The following CALN1 variants were observed in gnomAD, a reference collection of about 807,000 sequenced individuals.
CALN1 encodes the protein calcium-binding protein 8.
A neutral mutation model predicts 30.6 loss-of-function variants in CALN1; 17 were observed. That is an observed-to-expected ratio of 0.56 (90% CI 0.38 to 0.83). The LOEUF is 0.83. Among genes scored for constraint, CALN1 ranks in the 40% least tolerant of loss-of-function variants. CALN1 has a pLI of 0.00. For synonymous variants in CALN1, 156 were observed against 131.4 expected (o/e 1.19, Z -1.28); for missense variants, 291 against 354.9 (o/e 0.82, Z 1.45).
chr7:71,844,119 A>G (rs112941203), intron 5 of CALN1, among the ~76,000 whole-genome samples: 96 of 152,288 alleles, frequency 6.3e-4, no homozygotes, highest in African/African-American at 2.2e-3. Flanking sequence ...CTTTCTCCAT[A>G]GAGCAGGCTA....
chr7:72,145,318 T>C (rs534892833), intron 3 of CALN1, among the ~76,000 whole-genome samples: 185 of 152,196 alleles, frequency 1.2e-3, no homozygotes, highest in African/African-American at 4.0e-3. Context: ...AAATACAAAC[T>C]ACCATCAGAG....
At chr7:72,285,157 AC>A (rs1269072618) in intron 2 of CALN1, among the ~76,000 whole-genome samples, 3 of 152,122 alleles carry the variant, frequency 2.0e-5, no homozygotes, top group Non-Finnish European at 4.4e-5. Flanking sequence ...CATTGCCCCA[AC>A]TTCTAAGCAC....
chr7:72,157,373 G>A (rs1787772896), intron 3 of CALN1, among the ~76,000 whole-genome samples: 1 of 152,226 alleles, frequency 6.6e-6, no homozygotes, highest in East Asian at 1.9e-4. Flanking sequence ...CACTTTAAGA[G>A]GCCAAGACAG....
At chr7:72,026,599 A>G (rs1021809524) in intron 4 of CALN1, among the ~76,000 whole-genome samples, 18 of 151,466 alleles carry the variant, frequency 1.2e-4, no homozygotes, top group South Asian at 8.3e-4. Flanking sequence ...AAAAAAAAAT[A>G]GAGAGGGGGT....
Position 71,979,206 on chromosome 7 carries a change from A to G in CALN1, c.501+44451T>C, listed in dbSNP as rs536278767. ...CCAGGGACTGGTTTCATGGAAGACA[A>G]TTTTTCCTAGGACTGGGGAGAGGGG... On this transcript the variant is annotated intron_variant, in intron 5 of 6. Coordinates refer to ENST00000395275, the MANE Select transcript of CALN1 (RefSeq NM_031468.4). 1.1e-4 allele frequency among the ~76,000 whole-genome samples: 16 copies of G among 152,160 alleles called. No individual in the cohort carries two copies. In the South Asian group the frequency reaches 3.3e-3, roughly 32 times the overall value.
rs371971538 is a variant in CALN1, at chr7:72,246,402, G to A, written c.244+32284C>T. On this transcript the variant is annotated intron_variant, in intron 3 of 6. Transcript: ENST00000395275. ...GGGCTCTGCGGTCTAAGGGACACAC[G>A]GTGGCTTGGTGATGTCCCTTGGAGA... 6.6e-5 allele frequency among the ~76,000 whole-genome samples: 10 copies of A among 152,206 alleles called. No homozygotes were observed. The East Asian group carries it at 1.2e-3, about 18-fold the overall frequency.
intron 5 of CALN1, among the ~76,000 whole-genome samples, chr7:71,944,412 T>C (rs910022295): frequency 6.6e-6 from 1 of 151,994 alleles, no homozygotes; most frequent in African/African-American, 2.4e-5. Context: ...CTGGTCAACA[T>C]GGTGAAACCC....
chr7:71,862,278 G>A (rs1791332883), intron 5 of CALN1, among the ~76,000 whole-genome samples: 1 of 152,178 alleles, frequency 6.6e-6, no homozygotes, highest in African/African-American at 2.4e-5. Flanking sequence ...ATGCTGATAC[G>A]ATTTGGCTGT....
intron 2 of CALN1, among the ~76,000 whole-genome samples, chr7:72,360,494 TG>T (rs1275675680): frequency 2.0e-5 from 3 of 151,672 alleles, no homozygotes; most frequent in African/African-American, 7.3e-5. Flanking sequence ...TACAAAAAAA[TG>T]GGTTTCATAA....
At chr7:72,381,075 C>G (rs1263521558) in intron 2 of CALN1, among the ~76,000 whole-genome samples, 1 of 152,108 alleles carries the variant, frequency 6.6e-6, no homozygotes, top group Non-Finnish European at 1.5e-5. Flanking sequence ...AAAAATAAAC[C>G]AAAGTTTTGA....
chr7:72,353,184 A>G (rs2129559401), intron 2 of CALN1, among the ~76,000 whole-genome samples: 1 of 152,304 alleles, frequency 6.6e-6, no homozygotes. Flanking sequence ...AAGCGCTAAT[A>G]CCAATCTCAT....
chr7:72,292,017 A>G (rs1798515084), intron 2 of CALN1, among the ~76,000 whole-genome samples: 1 of 151,854 alleles, frequency 6.6e-6, no homozygotes, highest in Non-Finnish European at 1.5e-5. Context: ...AAAAAAAAAG[A>G]ATTTCAACAT....
intron 4 of CALN1, among the ~76,000 whole-genome samples, chr7:72,042,162 T>G (rs537729846): frequency 6.6e-6 from 1 of 152,052 alleles, no homozygotes; most frequent in African/African-American, 2.4e-5. Flanking sequence ...TTGGAGAAAT[T>G]AAGGTTAAAT....
At chr7:72,141,491 G>T (rs529119900) in intron 3 of CALN1, among the ~76,000 whole-genome samples, 5 of 152,008 alleles carry the variant, frequency 3.3e-5, no homozygotes, top group African/African-American at 1.2e-4. Context: ...CCGACCCTTC[G>T]GCTAGGCCTA....
intron 2 of CALN1, among the ~76,000 whole-genome samples, chr7:72,338,470 A>AGTGTGTGTGTGTGTGTGTGTGTGTGTGT (rs56695086): frequency 1.6e-4 from 12 of 74,800 alleles, no homozygotes; most frequent in Admixed American, 3.2e-4. Context: ...CCAGCAGCAC[A>AGTGTGTGTGTGTGTGTGTGTGTGTGTGT]GTGTGTGTGT....
At chr7:71,871,664 G>A (rs1417645643) in intron 5 of CALN1, among the ~76,000 whole-genome samples, 1 of 152,066 alleles carries the variant, frequency 6.6e-6, no homozygotes, top group African/African-American at 2.4e-5. Flanking sequence ...TCCTCCTCAG[G>A]ACATCGCACC....
intron 5 of CALN1, among the ~76,000 whole-genome samples, chr7:72,010,802 T>C (rs1217629984): frequency 8.0e-6 from 1 of 125,592 alleles, no homozygotes; most frequent in East Asian, 2.6e-4. Flanking sequence ...GGAGACCCTG[T>C]CTCAAAAAAA....
intron 3 of CALN1, among the ~76,000 whole-genome samples, chr7:72,246,439 C>T (rs748848743): frequency 3.9e-5 from 6 of 152,110 alleles, no homozygotes; most frequent in Admixed American, 6.5e-5. Flanking sequence ...TGGTGTCCTC[C>T]CTGGGAAGCC....
At chr7:72,487,873 AAAG>A in the CALN1 span, among the ~76,000 whole-genome samples, 2 of 70,256 alleles carry the variant, frequency 2.8e-5, no homozygotes, top group African/African-American at 1.6e-4. Context: ...AGAAAGAAAG[AAAG>A]AAAGAAAGAA....
Sources: allele counts gnomAD v4.1 joint callset (sites outside exome capture counted in the v4.1 genomes callset), GRCh38; gene constraint gnomAD v4.1.1; transcripts MANE v1.5; gene names NCBI Gene and HGNC (gene_info 2026-07-23, HGNC 2026-07-21).